Variants in PUDP observed in about 807,000 individuals in gnomAD.
PUDP encodes pseudouridine-5'-phosphatase.
A neutral mutation model predicts 9.4 loss-of-function variants in PUDP; 8 were observed. The ratio of observed to expected loss-of-function variants is 0.85; its 90% CI spans 0.50 to 1.53. The LOEUF is 1.53. PUDP is among the 40% of genes most tolerant of loss of function. The probability of loss-of-function intolerance (pLI) is 0.00; values close to 1 mark genes in which losing one functional copy is unlikely to be tolerated. For synonymous variants in PUDP, 99 were observed against 80.7 expected (o/e 1.23, Z -1.22); for missense variants, 188 against 189.7 (o/e 0.99, Z 0.05).
intron 1 of PUDP, among the ~76,000 whole-genome samples, chrX:7,035,586 C>T (rs1330387644): frequency 8.9e-6 from 1 of 112,174 alleles, no homozygotes; most frequent in Non-Finnish European, 1.9e-5. Flanking sequence ...AACCATAATG[C>T]ATCCTTAAAG....
At chrX:6,800,724 C>T (rs774337852) in intron 3 of PUDP, among the ~76,000 whole-genome samples, 2 of 111,692 alleles carry the variant, frequency 1.8e-5, no homozygotes, top group African/African-American at 3.3e-5. Context: ...CGAACATCTC[C>T]TCTCACTGTC....
At chrX:6,970,953 A>C (rs181483355) in intron 3 of PUDP, among the ~76,000 whole-genome samples, 126 of 111,107 alleles carry the variant, frequency 1.1e-3, no homozygotes, top group African/African-American at 4.0e-3. Flanking sequence ...CAGGAGGCTG[A>C]GGTAGGAGAA....
chrX:6,822,437 G>GT (rs202193946), intron 3 of PUDP, among the ~76,000 whole-genome samples: 4,025 of 112,020 alleles, frequency 0.036, 76 homozygotes, highest in East Asian at 0.15. Context: ...TTCCCTGTTT[G>GT]TTTTTTTGAG....
At chrX:6,931,880 C>T (rs1366150127) in intron 3 of PUDP, among the ~76,000 whole-genome samples, 1 of 111,413 alleles carries the variant, frequency 9.0e-6, no homozygotes, top group Non-Finnish European at 1.9e-5. Context: ...CAAACAACAA[C>T]AACAAAAGAC....
intron 3 of PUDP, among the ~76,000 whole-genome samples, chrX:6,760,813 G>A (rs1056845891): frequency 7.2e-5 from 8 of 111,675 alleles, no homozygotes; most frequent in Non-Finnish European, 1.5e-4. Flanking sequence ...CATCACTACC[G>A]TCCACACTTG....
chrX:7,101,482 C>T (rs1330430066), intron 2 of PUDP, among the ~76,000 whole-genome samples: 1 of 112,235 alleles, frequency 8.9e-6, no homozygotes, highest in Non-Finnish European at 1.9e-5. Flanking sequence ...GAAGACACTA[C>T]GTTGATGGGA....
intron 3 of PUDP, among the ~76,000 whole-genome samples, chrX:6,728,798 G>A (rs1443169510): frequency 9.0e-6 from 1 of 111,549 alleles, no homozygotes; most frequent in African/African-American, 3.3e-5. Flanking sequence ...TTATTCCAAT[G>A]TCCTTGGATT....
intron 3 of PUDP, among the ~76,000 whole-genome samples, chrX:7,054,076 G>A (rs946681426): frequency 4.5e-5 from 5 of 111,845 alleles, no homozygotes; most frequent in Non-Finnish European, 7.5e-5. Flanking sequence ...GAAGAGTGGC[G>A]AAAAGTCAAG....
chrX:6,727,319 C>G (rs1423916694), intron 3 of PUDP, among the ~76,000 whole-genome samples: 1 of 111,415 alleles, frequency 9.0e-6, no homozygotes, highest in Non-Finnish European at 1.9e-5. Flanking sequence ...ATGACAGAAT[C>G]TTAGAAGTAC....
intron 3 of PUDP, among the ~76,000 whole-genome samples, chrX:6,958,446 A>C (rs1178860223): frequency 8.9e-6 from 1 of 112,123 alleles, no homozygotes; most frequent in East Asian, 2.8e-4. Context: ...ATGTTAGCAC[A>C]GGCCTTTGAA....
chrX:7,013,016 G>A (rs1377346222), intron 1 of PUDP, among the ~76,000 whole-genome samples: 1 of 111,367 alleles, frequency 9.0e-6, no homozygotes, highest in Non-Finnish European at 1.9e-5. Flanking sequence ...TTCTGTAATT[G>A]GAGACTGATT....
At chrX:6,958,518 G>A (rs1346401800) in intron 3 of PUDP, among the ~76,000 whole-genome samples, 1 of 111,345 alleles carries the variant, frequency 9.0e-6, no homozygotes. Flanking sequence ...GAAAGTCTTT[G>A]AAGAGGAACC....
At chrX:6,962,171 G>T (rs1170940137) in intron 3 of PUDP, among the ~76,000 whole-genome samples, 1 of 111,623 alleles carries the variant, frequency 9.0e-6, no homozygotes, top group African/African-American at 3.3e-5. Flanking sequence ...TTTAACCAGT[G>T]GTAGAAATGC....
At chrX:6,926,436 A>T (rs1469467886) in intron 3 of PUDP, among the ~76,000 whole-genome samples, 1 of 112,038 alleles carries the variant, frequency 8.9e-6, no homozygotes, top group Non-Finnish European at 1.9e-5. Flanking sequence ...GAACAGCAAA[A>T]CTTAAATTAG....
At chrX:6,751,780 A>C (rs993936221) in intron 3 of PUDP, among the ~76,000 whole-genome samples, 2 of 111,452 alleles carry the variant, frequency 1.8e-5, no homozygotes, top group African/African-American at 6.5e-5. Flanking sequence ...AAAACCTATA[A>C]ATTATGCAAG....
chrX:6,728,194 C>G (rs1413339611), intron 3 of PUDP, among the ~76,000 whole-genome samples: 1 of 110,976 alleles, frequency 9.0e-6, no homozygotes, highest in African/African-American at 3.3e-5. Context: ...GACTTATTCA[C>G]TACCACAAGA....
At chrX:7,138,197 T>G (rs768445603) in intron 1 of PUDP, among the ~76,000 whole-genome samples, 1 of 111,206 alleles carries the variant, frequency 9.0e-6, no homozygotes, top group Non-Finnish European at 1.9e-5. Context: ...AAATCCAGAA[T>G]GTAGGCTGGT....
intron 1 of PUDP, among the ~76,000 whole-genome samples, chrX:7,135,253 TAGG>T (rs1932714247): frequency 8.9e-6 from 1 of 112,207 alleles, no homozygotes; most frequent in African/African-American, 3.2e-5. Context: ...TAAGGCTACT[TAGG>T]AGCATTTTCT....
chrX:6,820,266 A>G (rs183173992), intron 3 of PUDP, among the ~76,000 whole-genome samples: 2 of 110,639 alleles, frequency 1.8e-5, no homozygotes, highest in African/African-American at 6.6e-5. Flanking sequence ...CCCACAATAC[A>G]TGGGAATTCT....
Sources: allele counts gnomAD v4.1 joint callset (sites outside exome capture counted in the v4.1 genomes callset), GRCh38; gene constraint gnomAD v4.1.1; transcripts MANE v1.5; gene names NCBI Gene and HGNC (gene_info 2026-07-23, HGNC 2026-07-21).